Variants in ZNF410 observed in about 807,000 individuals in gnomAD.
ZNF410 encodes the protein zinc finger protein 410.
A neutral mutation model predicts 54.8 loss-of-function variants in ZNF410; 18 were observed. The observed-to-expected ratio is 0.33, with a 90% CI of 0.23 to 0.49. ZNF410 has a LOEUF of 0.49. Ranked by LOEUF, ZNF410 falls within the 20% of genes least tolerant of loss-of-function variation. The pLI is 0.99. For missense variants in ZNF410, 405 were observed against 569.6 expected (o/e 0.71, Z 2.94); for synonymous variants, 191 against 207.3 (o/e 0.92, Z 0.68).
intron 2 of ZNF410, among the ~76,000 whole-genome samples, chr14:73,892,835 C>T (rs1303181435): frequency 6.6e-6 from 1 of 152,198 alleles, no homozygotes; most frequent in Non-Finnish European, 1.5e-5. Flanking sequence ...AATCCCAGCA[C>T]TTTGGGAGGC....
At chr14:73,894,423 CTTTT>C (rs759584257) in intron 3 of ZNF410, 100 of 632,486 alleles carry the variant, frequency 1.6e-4, no homozygotes, top group African/African-American at 4.8e-4. Context: ...TACATACTTG[CTTTT>C]TTTTTTTTTT....
rs2055921139 is a variant in ZNF410, at chr14:73,931,875, C to T, written c.*334C>T. On this transcript the variant is annotated 3_prime_UTR_variant, in exon 12 of 12. Transcript: ENST00000555044. ...ATTCTGACTGTTGAGGGGAGGTTTTCCTTTGAAGAGTTTTCATCCCAGACT... is the reference window on the plus strand; with the variant it reads ...ATTCTGACTGTTGAGGGGAGGTTTTTCTTTGAAGAGTTTTCATCCCAGACT... 1 of 445,722 alleles carries T rather than the reference C, an allele frequency of 2.2e-6. No individual in the cohort carries two copies. The highest frequency in any genetic ancestry group is 2.0e-5 in the African/African-American group (1 of 49,706). 27.6% of individuals were successfully genotyped at this position (445,722 alleles called of 1,614,324 possible). A position where few individuals can be genotyped will look rare whatever the true frequency, so the allele number is the denominator to read the frequency against.
chr14:73,909,611 G>GGT (rs778371867), intron 8 of ZNF410, 181 bp downstream of exon 8: 6 of 503,768 alleles, frequency 1.2e-5, no homozygotes, highest in Non-Finnish European at 2.1e-5. Flanking sequence ...CAAGGTTGGG[G>GGT]GGGGGACATC....
chr14:73,927,850 A>ATTTTTTTT (rs769693607), intron 11 of ZNF410: 6 of 135,246 alleles, frequency 4.4e-5, no homozygotes, highest in African/African-American at 1.2e-4. Flanking sequence ...TTTTTTTTTA[A>ATTTTTTTT]TTTTTTAGAC....
In ZNF410 at chr14:73,898,095, T is replaced by C. The variant is rs1367823196; in HGVS notation, c.413T>C (p.Leu138Ser). 1.9e-6 allele frequency: 3 copies of C among 1,613,874 alleles called. No individual in the cohort carries two copies. Among genetic ancestry groups the C allele is most frequent in the Non-Finnish European group, 2.5e-6 (3 of 1,179,966 alleles). Residue 138 changes from leucine to serine, a missense_variant, in exon 5 of 12, where the codon TTA (leucine) becomes TCA (serine). By Grantham distance (145) the Leu-to-Ser change is moderately radical. This residue lies in a region of ZNF410 where 247 missense variants were observed against 342.8 expected (regional missense o/e 0.72). Transcript: ENST00000555044. ...GGTCTGGGCTCTTCAGCTGAGCACT[T>C]AGTGTTTGTACAGGATGAGGCAGAA... ...RAGLGSSAEH[L>S]VFVQDEAEDS...
chr14:73,889,822 A>T (rs2055199207), intron 1 of ZNF410, among the ~76,000 whole-genome samples: 1 of 144,710 alleles, frequency 6.9e-6, no homozygotes, highest in Admixed American at 7.1e-5. Flanking sequence ...CTCGACACAG[A>T]GTCTTGCTCT....
chr14:73,909,253 A>T, intron 7 of ZNF410, 88 bp from the exon 8 acceptor site: 3 of 1,109,928 alleles, frequency 2.7e-6, no homozygotes, highest in East Asian at 2.4e-5. Flanking sequence ...GTAAGTCATT[A>T]GACTCTGAAT....
intron 1 of ZNF410, among the ~76,000 whole-genome samples, chr14:73,888,518 G>A (rs1240090288): frequency 6.6e-6 from 1 of 152,102 alleles, no homozygotes; most frequent in Non-Finnish European, 1.5e-5. Flanking sequence ...TTCCTTGTGA[G>A]GTGATGAAAT....
In ZNF410 at chr14:73,922,160, G is replaced by A. The variant is rs375783513; in HGVS notation, c.1224G>A (p.Glu408=). The change falls in exon 10 of 12, where the codon GAG becomes GAA. Residue 408 remains glutamate (E), a synonymous_variant. Transcript: ENST00000555044. The stretch of plus-strand genomic sequence containing the variant: ...ATTCCCAGCCCAGCCTTGGTGGAGA[G>A]TCCTTGAACCTACCAAATACCAATT... ...SMNSQPSLGG[E]SLNLPNTNSI... is the part of the protein sequence containing the mutation. 3 of 1,614,060 alleles carry A rather than the reference G, an allele frequency of 1.9e-6. No homozygotes were observed. The highest frequency in any genetic ancestry group is 2.5e-6 in the Non-Finnish European group (3 of 1,180,010).
At chr14:73,911,836 A>AGTTGTT (rs370213161) in intron 8 of ZNF410, among the ~76,000 whole-genome samples, 9 of 151,814 alleles carry the variant, frequency 5.9e-5, no homozygotes, top group Admixed American at 1.3e-4. Context: ...TTCTACATTG[A>AGTTGTT]GTTGTTGTTG....
At chr14:73,921,856 A>G (rs1357002653) in intron 9 of ZNF410, among the ~76,000 whole-genome samples, 1 of 152,224 alleles carries the variant, frequency 6.6e-6, no homozygotes, top group Non-Finnish European at 1.5e-5. Flanking sequence ...TCAGACGCTG[A>G]ACACAAGCAA....
chr14:73,897,617 C>G (rs1056209081), intron 4 of ZNF410, among the ~76,000 whole-genome samples: 3 of 152,084 alleles, frequency 2.0e-5, no homozygotes, highest in Non-Finnish European at 4.4e-5. Flanking sequence ...AAGATGATAG[C>G]CTGCTCTTCA....
At position 73,931,524 on chromosome 14, in the gene ZNF410, AC is replaced by A. The variant is rs2140337780; in HGVS notation, c.1421del (p.Thr474MetfsTer10). On this transcript the variant is annotated frameshift_variant, in exon 12 of 12. Coordinates refer to ENST00000555044, the MANE Select transcript of ZNF410 (RefSeq NM_021188.3). LOFTEE classifies it high-confidence loss of function. Reference sequence around the variant, plus strand: ...ACAGTTACTAAACCAAGGAGATTTAACTGAAAGACGGACATGAGCGTGGGTG... The same window carrying A: ...ACAGTTACTAAACCAAGGAGATTTAATGAAAGACGGACATGAGCGTGGGTG... ...PQELLNQGDL[T>X]ERRT 1 of 1,607,528 alleles carries A rather than the reference AC, an allele frequency of 6.2e-7. No homozygotes were observed. The highest frequency in any genetic ancestry group is 2.2e-5 in the East Asian group (1 of 44,812).
intron 7 of ZNF410, 138 bp from the exon 8 acceptor site, chr14:73,909,203 C>A: frequency 1.4e-6 from 1 of 691,344 alleles, no homozygotes; most frequent in Non-Finnish European, 2.4e-6. Flanking sequence ...GCTAGGTAGC[C>A]CAGTTGAAAT....
intron 4 of ZNF410, 48 bp downstream of exon 4, chr14:73,896,582 TA>T (rs748611058): frequency 1.4e-6 from 2 of 1,459,764 alleles, no homozygotes; most frequent in South Asian, 2.4e-5. Flanking sequence ...AGAAAAAAAT[TA>T]GGGGTGGGGC....
intron 10 of ZNF410, 68 bp from the exon 11 acceptor site, chr14:73,923,327 C>T (rs1594766634): frequency 1.3e-6 from 2 of 1,532,630 alleles, no homozygotes; most frequent in East Asian, 4.7e-5. Context: ...TAATGAGAGG[C>T]TTAATGATCC....
intron 8 of ZNF410, among the ~76,000 whole-genome samples, chr14:73,910,805 T>A: frequency 8.7e-6 from 1 of 115,598 alleles, no homozygotes; most frequent in African/African-American, 3.7e-5. Context: ...GAGGCTGCAG[T>A]GAGTTGTGAT....
chr14:73,919,627 T>A (rs2055724682), intron 8 of ZNF410, among the ~76,000 whole-genome samples: 1 of 152,236 alleles, frequency 6.6e-6, no homozygotes, highest in African/African-American at 2.4e-5. Context: ...TTTGTTCTTT[T>A]TTATGGCTGC....
chr14:73,912,775 TA>T (rs2055604293), intron 8 of ZNF410, among the ~76,000 whole-genome samples: 1 of 152,368 alleles, frequency 6.6e-6, no homozygotes, highest in South Asian at 2.1e-4. Context: ...TTCTTGATTT[TA>T]TTTTTGAGTT....
Sources: gnomAD v4.1 joint callset for allele counts (sites outside exome capture counted in the v4.1 genomes callset) on GRCh38, gnomAD v4.1.1 for gene constraint, gnomAD v4.1.1 regional missense constraint, MANE v1.5 for transcripts, NCBI Gene and HGNC (gene_info 2026-07-23, HGNC 2026-07-21) for gene names.